The following SBK2 variants were observed in gnomAD, a reference collection of about 807,000 sequenced individuals.
SBK2 encodes the protein serine/threonine-protein kinase SBK2.
Under a neutral mutation model 15.9 loss-of-function variants are expected in SBK2, and 18 were observed. That is an observed-to-expected ratio of 1.13 (90% CI 0.78 to 1.68). SBK2 has a LOEUF of 1.68. SBK2 is among the 40% of genes most tolerant of loss of function. The pLI is 0.00. For missense variants in SBK2, 581 were observed against 510.9 expected, an observed-to-expected ratio of 1.14 and a Z score of -1.32; for synonymous variants, 284 against 246.8, an observed-to-expected ratio of 1.15 and a Z score of -1.41.
intron 2 of SBK2, among the ~76,000 whole-genome samples, chr19:55,535,451 A>C (rs1988373829): frequency 6.6e-6 from 1 of 152,208 alleles, no homozygotes; most frequent in Non-Finnish European, 1.5e-5. Flanking sequence ...AGCATTATAC[A>C]ACCCCAGCAA....
At chr19:55,533,876 G>A (rs1036113901) in intron 2 of SBK2, among the ~76,000 whole-genome samples, 7 of 151,930 alleles carry the variant, frequency 4.6e-5, no homozygotes, top group Non-Finnish European at 8.8e-5. Flanking sequence ...GCTTCTTAAC[G>A]ACAGTGACAT....
In SBK2 at chr19:55,529,939, G is replaced by A; in HGVS notation, c.841C>T (p.Gln281Ter). Residue 281 changes from glutamine (Q) to a stop codon, truncating the protein, a stop_gained, in exon 4 of 4, where the codon CAG becomes TAG. Transcript: ENST00000413299. LOFTEE classifies it low-confidence loss of function (END_TRUNC). ...CGGTCCCGGGGCTGGCCCGACGCCT[G>A]CCAGATGAGGAAGTCCTCGTAGAAG... ...DPFYEDFLIWQASGQPRDRPQ... is the reference protein window; with the variant it reads ...DPFYEDFLIW The A allele has an allele frequency of 6.5e-7, 1 of 1,528,872 alleles. No individual in the cohort carries two copies. The highest frequency in any genetic ancestry group is 1.2e-5 in the South Asian group (1 of 81,474). 94.7% of individuals were successfully genotyped at this position (1,528,872 alleles called of 1,614,324 possible). A position where few individuals can be genotyped will look rare whatever the true frequency, so the allele number is the denominator to read the frequency against.
Position 55,531,304 on chromosome 19 carries a change from A to G in SBK2, c.295T>C (p.Ser99Pro), listed in dbSNP as rs1259283889. Reference protein sequence around the residue: ...ALKQLPKPRTSLRGFLYEFCV... With the variant: ...ALKQLPKPRTPLRGFLYEFCV... ...AACTCGTACAGGAAGCCACGGAGGG[A>G]CGTGCGGGGTTTCGGGAGCTGCTTC... Residue 99 changes from serine to proline, a missense_variant, in exon 3 of 4, where the codon TCC (serine) becomes CCC (proline). Ser to Pro is a moderately conservative substitution (Grantham distance 74, BLOSUM62 -1). Transcript: ENST00000413299. 6.2e-7 allele frequency: 1 copy of G among 1,612,480 alleles called. No homozygotes were observed. Among genetic ancestry groups the G allele is most frequent in the African/African-American group, 1.3e-5 (1 of 74,726 alleles).
At chr19:55,536,335 G>C (rs534016780) in intron 1 of SBK2, 39 bp from the exon 2 acceptor site, 1 of 1,458,632 alleles carries the variant, frequency 6.9e-7, no homozygotes, top group African/African-American at 1.4e-5. Context: ...TCAGGTCCCA[G>C]GCCCAAGGGA....
intron 2 of SBK2, among the ~76,000 whole-genome samples, chr19:55,532,557 C>G (rs1480211243): frequency 1.3e-5 from 2 of 151,174 alleles, no homozygotes; most frequent in Non-Finnish European, 2.9e-5. Context: ...CCACCTCAGC[C>G]TCCTGAAGCA....
chr19:55,535,865 C>T (rs1247979770), intron 2 of SBK2, among the ~76,000 whole-genome samples, 177 bp downstream of exon 2: 2 of 152,150 alleles, frequency 1.3e-5, no homozygotes, highest in Non-Finnish European at 2.9e-5. Context: ...GGCGGCAGAG[C>T]CAGACTGTCT....
Position 55,528,883 on chromosome 19 carries a change from C to G in SBK2, c.*850G>C, listed in dbSNP as rs2123473070. Reference sequence around the variant, plus strand: ...AAAGACCCCCGACTCCAGGAGCTCACAAAATAACCACAAAAAATAAGCCAT... The same window carrying G: ...AAAGACCCCCGACTCCAGGAGCTCAGAAAATAACCACAAAAAATAAGCCAT... On this transcript the variant is annotated 3_prime_UTR_variant, in exon 4 of 4. Coordinates refer to ENST00000413299, the MANE Select transcript of SBK2 (RefSeq NM_001370096.2). 6.6e-6 allele frequency among the ~76,000 whole-genome samples: 1 copy of G among 152,280 alleles called. No individual in the cohort carries two copies. Among genetic ancestry groups the G allele is most frequent in the African/African-American group, 2.4e-5 (1 of 41,556 alleles).
chr19:55,530,373 C>T lies in SBK2; in HGVS notation c.457-50G>A. 25 of 1,388,270 alleles carry T rather than the reference C, an allele frequency of 1.8e-5. 1 individual carries two copies. Among genetic ancestry groups the T allele is most frequent in the Non-Finnish European group, 2.3e-5 (25 of 1,074,224 alleles). 86.0% of individuals were successfully genotyped at this position (1,388,270 alleles called of 1,614,324 possible). A position where few individuals can be genotyped will look rare whatever the true frequency, so the allele number is the denominator to read the frequency against. On this transcript the variant is annotated intron_variant, in intron 3 of 3. Transcript: ENST00000413299. ...AGTGCCCCGGGGCCACGGAAGGCAA[C>T]CGAGACCCAGGAAGCAGGCCCAGGA...
chr19:55,533,673 AAAAAAAAAAAAAAAAAAAAAAAAAAG>A (rs1988328659), intron 2 of SBK2, among the ~76,000 whole-genome samples: 1 of 7,490 alleles, frequency 1.3e-4, no homozygotes, highest in Admixed American at 1.3e-3. Context: ...AAAAAAAAAA[AAAAAAAAAAAAAAAAAAAAAAAAAAG>A]AAAAAGTTCC....
At chr19:55,530,889 A>T (rs986756559) in intron 3 of SBK2, among the ~76,000 whole-genome samples, 2 of 152,040 alleles carry the variant, frequency 1.3e-5, no homozygotes, top group African/African-American at 2.4e-5. Context: ...CTGTGACTTG[A>T]TTGGGGTCCA....
chr19:55,530,443 G>A (rs1394839742), intron 3 of SBK2, 120 bp from the exon 4 acceptor site: 3 of 827,582 alleles, frequency 3.6e-6, no homozygotes, highest in Admixed American at 7.3e-5. Flanking sequence ...TTGGCCCTGT[G>A]AGGCCTAGTG....
intron 2 of SBK2, among the ~76,000 whole-genome samples, chr19:55,532,495 G>T (rs1256903138): frequency 6.6e-6 from 1 of 151,226 alleles, no homozygotes; most frequent in Non-Finnish European, 1.5e-5. Context: ...TAGAGATGGG[G>T]TTTCACCATG....
intron 2 of SBK2, among the ~76,000 whole-genome samples, chr19:55,533,370 G>A (rs1436896452): frequency 6.8e-6 from 1 of 147,098 alleles, no homozygotes; most frequent in African/African-American, 2.5e-5. Context: ...AAGAAAGGCC[G>A]AGTGCAGTGG....
chr19:55,536,042 C>G lies in SBK2; in HGVS notation c.253G>C (p.Gly85Arg). 1 of 1,472,662 alleles carries G rather than the reference C, an allele frequency of 6.8e-7. No individual in the cohort carries two copies. Among genetic ancestry groups the G allele is most frequent in the Non-Finnish European group, 9.0e-7 (1 of 1,105,072 alleles). The allele number at this position is 1,472,662 out of a possible 1,614,324, so 91.2% of individuals were successfully genotyped here. A position where few individuals can be genotyped will look rare whatever the true frequency, so the allele number is the denominator to read the frequency against. ...CACCTCTGGCCCCACAGCCTCGTAC[C>G]TTTCTGACGATGGGTGACCAGAAGG... ...RVLLVTHRQKGTPLALKQLPK... is the reference protein window; with the variant it reads ...RVLLVTHRQKRTPLALKQLPK... The change falls in exon 2 of 4, where the codon GGC (glycine) becomes CGC (arginine). Residue 85 changes from glycine to arginine, a missense_variant and splice_region_variant. Physicochemically the swap from Gly to Arg is moderately radical, Grantham distance 125. Transcript: ENST00000413299.
intron 2 of SBK2, among the ~76,000 whole-genome samples, chr19:55,533,760 G>A (rs1402186928): frequency 6.6e-6 from 1 of 151,012 alleles, no homozygotes; most frequent in Non-Finnish European, 1.5e-5. Flanking sequence ...GCCAGATGCA[G>A]TGGGGTCTCT....
chr19:55,529,854 T>C lies in SBK2; in HGVS notation c.926A>G (p.Asp309Gly), dbSNP rs753502886. 2 of 1,602,010 alleles carry C rather than the reference T, an allele frequency of 1.2e-6. No individual in the cohort carries two copies. The highest frequency in any genetic ancestry group is 2.2e-5 in the South Asian group (2 of 90,870). Residue 309 changes from aspartate to glycine, a missense_variant, in exon 4 of 4, where the codon GAC becomes GGC. Asp to Gly is a moderately conservative substitution (Grantham distance 94). Coordinates refer to ENST00000413299, the MANE Select transcript of SBK2 (RefSeq NM_001370096.2). ...AGCGCTCCTCCTTCGGGGGTGAGGG[T>C]CCAGCAGCCCCCGCAGAAGCGCGTC... is the stretch of plus-strand genomic sequence containing the variant. ...AADALLRGLL[D>G]PHPRRRSAVI... is the part of the protein sequence containing the mutation.
At position 55,530,283 on chromosome 19, in the gene SBK2, TG is replaced by T; in HGVS notation, c.496del (p.Gln166SerfsTer19). The stretch of plus-strand genomic sequence containing the variant: ...GATGTACTCCAGGGCGGAGGCCAGC[TG>T]GGCGGCGCAGCGGTGCACCGCGGGC... Reference protein sequence around the residue: ...PQPAVHRCAAQLASALEYIHA... With the variant: ...PQPAVHRCAAXLASALEYIHA... On this transcript the variant is annotated frameshift_variant, in exon 4 of 4. Transcript: ENST00000413299. LOFTEE classifies it low-confidence loss of function (END_TRUNC). The T allele has an allele frequency of 6.8e-7, 1 of 1,466,690 alleles. No individual in the cohort carries two copies. The allele number at this position is 1,466,690 out of a possible 1,614,324, so 90.9% of individuals were successfully genotyped here.
At chr19:55,530,380 CCAGGAAG>C in intron 3 of SBK2, 57 bp from the exon 4 acceptor site, 2 of 1,379,310 alleles carry the variant, frequency 1.5e-6, no homozygotes, top group Non-Finnish European at 1.9e-6. Context: ...CAACCGAGAC[CCAGGAAG>C]CAGGCCCAGG....
Position 55,529,606 on chromosome 19 carries a change from G to C in SBK2, c.*127C>G. The stretch of plus-strand genomic sequence containing the variant: ...AGGAATGCAGCCTGCAGAGAGGAGA[G>C]AGGAGGAGGACGCCGAGGGGAATCC... On this transcript the variant is annotated 3_prime_UTR_variant, in exon 4 of 4. Transcript: ENST00000413299. 7.7e-7 allele frequency: 1 copy of C among 1,291,746 alleles called. No homozygotes were observed. Among genetic ancestry groups the C allele is most frequent in the Non-Finnish European group, 1.0e-6 (1 of 969,708 alleles). 80.0% of individuals were successfully genotyped at this position (1,291,746 alleles called of 1,614,324 possible).
Sources: gnomAD v4.1 joint callset for allele counts (sites outside exome capture counted in the v4.1 genomes callset) on GRCh38, gnomAD v4.1.1 for gene constraint, MANE v1.5 for transcripts, NCBI Gene and HGNC (gene_info 2026-07-23, HGNC 2026-07-21) for gene names.